TPTE2: variants seen among roughly 807,000 people sequenced by gnomAD.
The protein encoded by TPTE2 is phosphatidylinositol 3,4,5-trisphosphate 3-phosphatase TPTE2.
In TPTE2, 53 loss-of-function variants were observed where a neutral mutation model predicts 78.6. The observed-to-expected ratio is 0.67, with a 90% CI of 0.54 to 0.85. The LOEUF is 0.85. Among genes scored for constraint, TPTE2 ranks in the 40% least tolerant of loss-of-function variants. The pLI, the probability that TPTE2 is intolerant of heterozygous loss-of-function variation, is 0.00. For synonymous variants in TPTE2, 175 were observed against 206.2 expected (o/e 0.85, Z 1.30); for missense variants, 461 against 623.0 (o/e 0.74, Z 2.77).
chr13:19,504,680 C>G (rs539900936), upstream of TPTE2, among the ~76,000 whole-genome samples: 33 of 152,146 alleles, frequency 2.2e-4, no homozygotes, highest in African/African-American at 7.9e-4. Flanking sequence ...TGCCCTGTTC[C>G]TTTTTTATCC....
chr13:19,544,073 A>AAAAAAAAAAAAAAAAAG, the TPTE2 span, among the ~76,000 whole-genome samples: 1 of 149,304 alleles, frequency 6.7e-6, no homozygotes, highest in Non-Finnish European at 1.5e-5. Flanking sequence ...AAAAAAAAAA[A>AAAAAAAAAAAAAAAAAG]AAAAAAAAAG....
chr13:19,541,201 C>A (rs933455105), upstream of TPTE2, among the ~76,000 whole-genome samples: 1 of 152,186 alleles, frequency 6.6e-6, no homozygotes, highest in African/African-American at 2.4e-5. Flanking sequence ...CACAGGCCTT[C>A]TTACAACATG....
rs545070937 is a variant in TPTE2 at position 19,521,293 on chromosome 13, G to T, written c.-44+15303C>A. Among the ~76,000 whole-genome samples the T allele has an allele frequency of 2.3e-4, 35 of 151,472 alleles. No homozygotes were observed. In the South Asian group the frequency reaches 7.3e-3, roughly 32 times the overall value. On this transcript the variant is annotated intron_variant, in intron 1 of 17. Coordinates refer to the TPTE2 transcript ENST00000390680. ...CTCTGTTATATGTTTTTGATGGATT[G>T]ATCCTCTTATTATTATAAAATGTCC... is the stretch of plus-strand genomic sequence containing the variant.
chr13:19,555,236 C>T, the TPTE2 span, among the ~76,000 whole-genome samples: 1 of 152,066 alleles, frequency 6.6e-6, no homozygotes, highest in African/African-American at 2.4e-5. Context: ...TACACAACAC[C>T]AACACTCTTT....
chr13:19,474,599 T>G (rs765315333), intron 5 of TPTE2, among the ~76,000 whole-genome samples: 6 of 152,220 alleles, frequency 3.9e-5, no homozygotes, highest in Non-Finnish European at 7.3e-5. Context: ...TGATTCCATA[T>G]TTATGGGTGC....
At chr13:19,432,836 TGA>T (rs1876771676) in intron 15 of TPTE2, among the ~76,000 whole-genome samples, 1 of 151,876 alleles carries the variant, frequency 6.6e-6, no homozygotes, top group South Asian at 2.1e-4. Context: ...TGCTTATGGT[TGA>T]GAGGGCAACT....
At chr13:19,454,292 T>C (rs905996075) in intron 10 of TPTE2, among the ~76,000 whole-genome samples, 2 of 152,218 alleles carry the variant, frequency 1.3e-5, no homozygotes, top group African/African-American at 4.8e-5. Context: ...CACATGACTG[T>C]TTAGCATCCT....
upstream of TPTE2, among the ~76,000 whole-genome samples, chr13:19,506,160 CTTTTTTTTTTTTTT>C (rs71092369): frequency 1.8e-4 from 6 of 32,862 alleles, no homozygotes; most frequent in East Asian, 5.4e-3. Context: ...GTATATAAAT[CTTTTTTTTTTTTTT>C]TTTTTTTTTT....
chr13:19,538,954 G>A (rs546393955), upstream of TPTE2, among the ~76,000 whole-genome samples: 28 of 152,348 alleles, frequency 1.8e-4, 1 homozygote, highest in Admixed American at 6.5e-4. Context: ...GAGATGTCAA[G>A]GTCAAGGGGC....
rs568725781 is a variant in TPTE2 at position 19,427,903 on chromosome 13, G to A, written c.1303-1386C>T. 3.3e-5 allele frequency among the ~76,000 whole-genome samples: 5 copies of A among 152,316 alleles called. No homozygotes were observed. In the South Asian group the frequency reaches 1.0e-3, roughly 32 times the overall value. On this transcript the variant is annotated intron_variant, in intron 17 of 19. Coordinates refer to ENST00000400230, the Ensembl canonical transcript of TPTE2. ...CACAAAAGGAGGTGCAGACTCAGTT[G>A]GCCCCTTCAGGGAGCTGTACATTTA... is the stretch of plus-strand genomic sequence containing the variant.
At chr13:19,498,609 G>C (rs1008042669) in intron 1 of TPTE2, among the ~76,000 whole-genome samples, 66 of 151,836 alleles carry the variant, frequency 4.3e-4, no homozygotes, top group African/African-American at 1.4e-3. Flanking sequence ...GAGAGATTTT[G>C]TCACCACCAG....
In TPTE2 at chr13:19,451,222, C is replaced by T. The variant is rs199652635; in HGVS notation, c.745G>A (p.Val249Ile). ...TGTTTCTTATCTAGAAACCGCACAA[C>T]TTCCTAAAAAAGACAAACACATATC... Residue 249 changes from valine to isoleucine, a missense_variant, in exon 11 of 20, where the codon GTT (valine) becomes ATT (isoleucine). Val to Ile is a conservative substitution (Grantham distance 29). Coordinates refer to ENST00000400230, the Ensembl canonical transcript of TPTE2. 34 of 1,613,312 alleles carry T rather than the reference C, an allele frequency of 2.1e-5. No homozygotes were observed. In the Middle Eastern group the frequency reaches 1.3e-3, roughly 63 times the overall value.
At chr13:19,558,805 T>C in the TPTE2 span, among the ~76,000 whole-genome samples, 99,068 of 152,068 alleles carry the variant, frequency 0.65, 34,811 homozygotes, top group East Asian at 0.89. Flanking sequence ...AAGATAAACG[T>C]ATTTAAAATA....
intron 1 of TPTE2, among the ~76,000 whole-genome samples, chr13:19,520,434 A>C (rs1405053616): frequency 6.6e-6 from 1 of 151,856 alleles, no homozygotes; most frequent in Non-Finnish European, 1.5e-5. Context: ...CTAAGAGTTT[A>C]GGTTTTTTGT....
the TPTE2 span, among the ~76,000 whole-genome samples, chr13:19,552,968 A>G: frequency 8.4e-3 from 1,266 of 150,524 alleles, 25 homozygotes; most frequent in African/African-American, 0.03. Context: ...AGAAAAAAAT[A>G]AATTTTGTTT....
intron 6 of TPTE2, among the ~76,000 whole-genome samples, chr13:19,469,429 C>A (rs1439761282): frequency 1.3e-5 from 2 of 152,026 alleles, no homozygotes; most frequent in Non-Finnish European, 2.9e-5. Context: ...TTATATAGTT[C>A]TGTAGTATAA....
At chr13:19,517,275 G>C (rs1454920312) in intron 1 of TPTE2, among the ~76,000 whole-genome samples, 1 of 152,218 alleles carries the variant, frequency 6.6e-6, no homozygotes, top group Non-Finnish European at 1.5e-5. Flanking sequence ...TTTCTCACTT[G>C]TTGCCTTTCA....
At chr13:19,454,882 A>G (rs1228834727) in intron 10 of TPTE2, among the ~76,000 whole-genome samples, 7 of 152,240 alleles carry the variant, frequency 4.6e-5, no homozygotes, top group African/African-American at 1.4e-4. Context: ...ACATGCTATA[A>G]TTAACTCACA....
chr13:19,500,486 C>G (rs1304015659), intron 1 of TPTE2, among the ~76,000 whole-genome samples: 1 of 150,850 alleles, frequency 6.6e-6, no homozygotes, highest in Non-Finnish European at 1.5e-5. Flanking sequence ...GGATGCAAGG[C>G]TGGTTCAATA....
Sources: gnomAD v4.1 joint callset for allele counts (sites outside exome capture counted in the v4.1 genomes callset) on GRCh38, gnomAD v4.1.1 for gene constraint, MANE v1.5 for transcripts, NCBI Gene and HGNC (gene_info 2026-07-23, HGNC 2026-07-21) for gene names.